Variants in DNAH12 observed in about 807,000 individuals in gnomAD.
DNAH12 encodes the protein dynein axonemal heavy chain 12.
A neutral mutation model predicts 371.5 loss-of-function variants in DNAH12; 285 were observed. The ratio of observed to expected loss-of-function variants is 0.77; its 90% CI spans 0.70 to 0.85. DNAH12 has a LOEUF of 0.85. Ranked by LOEUF, DNAH12 falls within the 40% of genes least tolerant of loss-of-function variation. DNAH12 has a pLI of 0.00. For synonymous variants in DNAH12, 1,200 were observed against 1,213.0 expected (o/e 0.99, Z 0.22); for missense variants, 3,611 against 3,689.4 (o/e 0.98, Z 0.55).
At position 57,379,184 on chromosome 3, in the gene DNAH12, T is replaced by C. The variant is rs1047051816; in HGVS notation, c.8197A>G (p.Met2733Val). ...AEGLCKWIMA[M>V]EVYDRVAKVV... The stretch of plus-strand genomic sequence containing the variant: ...TTTGCAACTCTGTCGTACACTTCCA[T>C]GGCCATGATCCACTTACACAGACCC... The change falls in exon 52 of 74, where the codon ATG becomes GTG. Residue 2733 changes from methionine to valine, a missense_variant. This residue lies in a region of DNAH12 where 2,266 missense variants were observed against 2,236.9 expected (regional missense o/e 1.01). Transcript: ENST00000495027. 8,474 of 152,244 alleles carry C rather than the reference T, an allele frequency of 0.056. 337 individuals carry two copies. The highest frequency in any genetic ancestry group is 0.083 in the Non-Finnish European group (5,620 of 68,032). 9.4% of individuals were successfully genotyped at this position (152,244 alleles called of 1,614,324 possible). A position where few individuals can be genotyped will look rare whatever the true frequency, so the allele number is the denominator to read the frequency against.
At chr3:57,428,315 A>C in intron 34 of DNAH12, 4 of 1,059,908 alleles carry the variant, frequency 3.8e-6, no homozygotes, top group Non-Finnish European at 3.8e-6. Flanking sequence ...AAAATACTAA[A>C]TATTGAATAA....
Position 57,457,894 on chromosome 3 carries a change from C to A in DNAH12, c.3163G>T (p.Glu1055Ter). ...KKCFEGIAKLEFLPNLDIKAM... is the reference protein window; with the variant it reads ...KKCFEGIAKL ...TTAATGTCCAAATTGGGAAGGAACT[C>A]TAATTTAGCAATGCCCTCAAAGCAT... Residue 1055 changes from glutamate to a stop codon, truncating the protein, a stop_gained, in exon 22 of 74, where the codon GAG (glutamate) becomes TAG (stop). Coordinates refer to ENST00000495027, the MANE Select transcript of DNAH12 (RefSeq NM_001366028.2). LOFTEE classifies it high-confidence loss of function. 1 of 1,551,654 alleles carries A rather than the reference C, an allele frequency of 6.4e-7. No homozygotes were observed. The highest frequency in any genetic ancestry group is 8.7e-7 in the Non-Finnish European group (1 of 1,146,984).
At chr3:57,521,047 A>AGAGCAAAACTCTTTTAAAAACATC (rs2068413426) in intron 4 of DNAH12, among the ~76,000 whole-genome samples, 5 of 134,634 alleles carry the variant, frequency 3.7e-5, no homozygotes, top group Non-Finnish European at 6.3e-5. Context: ...CTGGGCGACA[A>AGAGCAAAACTCTTTTAAAAACATC]AGTGAGACTC....
intron 29 of DNAH12, among the ~76,000 whole-genome samples, chr3:57,441,488 TA>T (rs567546828): frequency 1.3e-5 from 2 of 152,224 alleles, no homozygotes; most frequent in South Asian, 4.1e-4. Context: ...AATTAAGGCA[TA>T]AAAACATATA....
Position 57,454,796 on chromosome 3 carries a change from T to C in DNAH12, c.3435A>G (p.Glu1145=). Residue 1145 remains glutamate, a synonymous_variant, in exon 23 of 74, where the codon GAA becomes GAG. Transcript: ENST00000495027. ...SQMFWTSETQ[E]VISGGTEGLK... ...TTACCTCCGTCCCGCCACTTATCAC[T>C]TCCTGTGTCTCAGATGTCCAGAACA... is the stretch of plus-strand genomic sequence containing the variant. The C allele has an allele frequency of 6.4e-7, 1 of 1,551,386 alleles. No individual in the cohort carries two copies. The highest frequency in any genetic ancestry group is 1.7e-4 in the Middle Eastern group (1 of 5,990).
intron 37 of DNAH12, among the ~76,000 whole-genome samples, chr3:57,417,243 A>C (rs1311326102): frequency 3.9e-5 from 6 of 151,924 alleles, no homozygotes; most frequent in Non-Finnish European, 8.8e-5. Flanking sequence ...AGAGTGAAAC[A>C]CCTTCTAAAA....
chr3:57,316,191 C>T (rs1202901119), intron 65 of DNAH12, among the ~76,000 whole-genome samples: 4 of 148,620 alleles, frequency 2.7e-5, no homozygotes, highest in Admixed American at 6.8e-5. Context: ...GCTGTCTTCT[C>T]TGCCTAAAGA....
chr3:57,436,027 G>A (rs1419264167), intron 30 of DNAH12, among the ~76,000 whole-genome samples: 1 of 151,574 alleles, frequency 6.6e-6, no homozygotes, highest in East Asian at 1.9e-4. Context: ...CTTCATATGT[G>A]CCCAGAGAAG....
At position 57,310,809 on chromosome 3, in the gene DNAH12, T is replaced by C. The variant is rs1308200500; in HGVS notation, c.10804A>G (p.Ile3602Val). Residue 3602 changes from isoleucine to valine, a missense_variant, in exon 67 of 74, where the codon ATA (isoleucine) becomes GTA (valine). Physicochemically the swap from Ile to Val is conservative, Grantham distance 29. This residue lies in a region of DNAH12 where 2,266 missense variants were observed against 2,236.9 expected (regional missense o/e 1.01). Transcript: ENST00000495027. Reference sequence around the variant, plus strand: ...AACTTATAATGAGGGTTTTCAACTATGTACAGATTATAAAAGTCAGCCAGC... The same window carrying C: ...AACTTATAATGAGGGTTTTCAACTACGTACAGATTATAAAAGTCAGCCAGC... ...TMLADFYNLYIVENPHYKFSP... is the reference protein window; with the variant it reads ...TMLADFYNLYVVENPHYKFSP... The C allele has an allele frequency of 5.8e-6, 9 of 1,551,522 alleles. No homozygotes were observed. Among genetic ancestry groups the C allele is most frequent in the African/African-American group, 2.7e-5 (2 of 73,044 alleles).
chr3:57,325,808 TAAA>T lies in DNAH12; in HGVS notation c.9979-2192_9979-2190del, dbSNP rs991633163. Among the ~76,000 whole-genome samples, 18 of 152,226 alleles carry T rather than the reference TAAA, an allele frequency of 1.2e-4. 1 individual carries two copies. In the South Asian group the frequency reaches 3.7e-3, roughly 32 times the overall value. On this transcript the variant is annotated intron_variant, in intron 62 of 73. Transcript: ENST00000495027. ...AAATTCAAACCAAAGGCAAAGAAGT[TAAA>T]AACTTTGAAAAAAATTTAGACAAAT...
intron 34 of DNAH12, among the ~76,000 whole-genome samples, chr3:57,425,682 CA>C (rs536178232): frequency 7.2e-5 from 11 of 152,138 alleles, no homozygotes; most frequent in Non-Finnish European, 1.6e-4. Context: ...AACAATTGTA[CA>C]ATCGCACATA....
intron 17 of DNAH12, among the ~76,000 whole-genome samples, chr3:57,463,932 T>G (rs999453558): frequency 2.6e-5 from 4 of 151,652 alleles, no homozygotes; most frequent in Non-Finnish European, 5.9e-5. Flanking sequence ...GCCTCATGAG[T>G]AGCTGGGTCA....
At chr3:57,445,684 C>T (rs1209472753) in intron 27 of DNAH12, among the ~76,000 whole-genome samples, 5 of 122,902 alleles carry the variant, frequency 4.1e-5, no homozygotes, top group Admixed American at 8.8e-5. Context: ...TTTTAATTCA[C>T]GAACTTACAC....
At position 57,544,177 on chromosome 3, in the gene DNAH12, G is replaced by C. The variant is rs546991859; in HGVS notation, c.-34+20C>G. ...ACCTGCCCTGGGAGAGAAAGGAAGAGAACAGCAGAGAACAAGTACCTGATT... is the reference window on the plus strand; with the variant it reads ...ACCTGCCCTGGGAGAGAAAGGAAGACAACAGCAGAGAACAAGTACCTGATT... On this transcript the variant is annotated intron_variant, in intron 1 of 73. Transcript: ENST00000495027. The C allele has an allele frequency of 3.0e-4, 46 of 152,390 alleles. No individual in the cohort carries two copies. Among genetic ancestry groups the C allele is most frequent in the African/African-American group, 1.1e-3 (46 of 41,578 alleles). 9.4% of individuals were successfully genotyped at this position (152,390 alleles called of 1,614,324 possible). A position where few individuals can be genotyped will look rare whatever the true frequency, so the allele number is the denominator to read the frequency against.
chr3:57,394,491 G>C (rs1477873253), intron 43 of DNAH12, among the ~76,000 whole-genome samples, 159 bp from the exon 44 acceptor site: 2 of 152,070 alleles, frequency 1.3e-5, no homozygotes, highest in Non-Finnish European at 2.9e-5. Context: ...CACTGCCTCC[G>C]TCCCCTGGGT....
chr3:57,480,809 A>C (rs9681897), intron 13 of DNAH12, among the ~76,000 whole-genome samples: 101,416 of 151,934 alleles, frequency 0.67, 34,093 homozygotes, highest in South Asian at 0.75. Context: ...ACAGAACCAA[A>C]GACAAAAACC....
At chr3:57,405,261 G>A in intron 41 of DNAH12, 114 bp from the exon 42 acceptor site, 1 of 912,672 alleles carries the variant, frequency 1.1e-6, no homozygotes, top group Non-Finnish European at 1.6e-6. Flanking sequence ...TAAACATTAG[G>A]GTAGTAAAAA....
chr3:57,453,826 G>T (rs1275737722), intron 23 of DNAH12, among the ~76,000 whole-genome samples: 1 of 151,950 alleles, frequency 6.6e-6, no homozygotes, highest in African/African-American at 2.4e-5. Flanking sequence ...CACCCACCTC[G>T]GTCTCCCAAA....
chr3:57,342,724 C>G (rs1025928950), intron 60 of DNAH12, among the ~76,000 whole-genome samples: 1 of 148,260 alleles, frequency 6.7e-6, no homozygotes, highest in South Asian at 2.1e-4. Context: ...GAATTAATAT[C>G]CAGAATATAC....
Sources: gnomAD v4.1 joint callset for allele counts (sites outside exome capture counted in the v4.1 genomes callset) on GRCh38, gnomAD v4.1.1 for gene constraint, gnomAD v4.1.1 regional missense constraint, MANE v1.5 for transcripts, NCBI Gene and HGNC (gene_info 2026-07-23, HGNC 2026-07-21) for gene names.